Variants in ARFGEF2 observed in about 807,000 individuals in gnomAD.
ARFGEF2 encodes brefeldin A-inhibited guanine nucleotide-exchange protein 2.
ARFGEF2 carries 74 observed loss-of-function variants against 219.9 expected under a neutral mutation model. The ratio of observed to expected loss-of-function variants is 0.34; its 90% confidence interval spans 0.28 to 0.41. The LOEUF is 0.41. Among genes scored for constraint, ARFGEF2 ranks in the 10% least tolerant of loss-of-function variants. The pLI is 1.00. For synonymous variants in ARFGEF2, 733 were observed against 799.2 expected (o/e 0.92, Z 1.40); for missense variants, 1,743 against 2,218.3 (o/e 0.79, Z 4.30).
intron 4 of ARFGEF2, 69 bp from the exon 5 acceptor site, chr20:48,952,636 G>A (rs1463276155): frequency 1.4e-6 from 2 of 1,477,814 alleles, no homozygotes; most frequent in African/African-American, 2.8e-5. Flanking sequence ...CTCTAGAAAA[G>A]TGTGGCCATA....
At chr20:48,931,711 G>A (rs1162857856) in intron 1 of ARFGEF2, among the ~76,000 whole-genome samples, 1 of 152,150 alleles carries the variant, frequency 6.6e-6, no homozygotes, top group Non-Finnish European at 1.5e-5. Flanking sequence ...AATAGCTCAT[G>A]CAAAGGCCCC....
chr20:48,967,518 T>C (rs1326899803), intron 8 of ARFGEF2, among the ~76,000 whole-genome samples: 1 of 152,228 alleles, frequency 6.6e-6, no homozygotes, highest in Non-Finnish European at 1.5e-5. Context: ...TATTCCCAGC[T>C]ACTCAGGAGG....
In ARFGEF2 at chr20:48,971,627, C is replaced by T. The variant is rs543902675; in HGVS notation, c.1425+273C>T. Among the ~76,000 whole-genome samples, 3 of 152,182 alleles carry T rather than the reference C, an allele frequency of 2.0e-5. 1 individual carries two copies. Among genetic ancestry groups the T allele is most frequent in the South Asian group, 2.1e-4 (1 of 4,830 alleles). On this transcript the variant is annotated intron_variant, in intron 10 of 38. Coordinates refer to ENST00000371917, the MANE Select transcript of ARFGEF2 (RefSeq NM_006420.3). ...AAAAAGTTACTGCCCCCAGCCTGGG[C>T]GCCATGGCTCACGCCTGTAATCCCA...
chr20:48,998,267 A>G, intron 24 of ARFGEF2, 34 bp downstream of exon 24: 3 of 1,614,192 alleles, frequency 1.9e-6, no homozygotes, highest in Non-Finnish European at 2.5e-6. Context: ...AAACTGCAGA[A>G]GCCTCACGCT....
chr20:49,015,400 A>C (rs1181303670), intron 30 of ARFGEF2, among the ~76,000 whole-genome samples: 7 of 152,238 alleles, frequency 4.6e-5, no homozygotes, highest in Non-Finnish European at 8.8e-5. Context: ...GGTGTGAGCC[A>C]CCACACCCAG....
intron 25 of ARFGEF2, among the ~76,000 whole-genome samples, chr20:48,999,474 C>T (rs947832411): frequency 1.3e-5 from 2 of 152,056 alleles, no homozygotes; most frequent in Non-Finnish European, 2.9e-5. Flanking sequence ...TGTGGCCGGG[C>T]GTCATGGCTC....
chr20:48,935,873 C>G (rs1293283899), intron 1 of ARFGEF2, among the ~76,000 whole-genome samples: 3 of 130,490 alleles, frequency 2.3e-5, no homozygotes, highest in Admixed American at 7.2e-5. Context: ...CAGAGGAGCT[C>G]CTTACTTCCC....
intron 16 of ARFGEF2, among the ~76,000 whole-genome samples, chr20:48,987,990 G>A (rs1406582886): frequency 2.0e-5 from 3 of 152,174 alleles, no homozygotes; most frequent in Admixed American, 1.3e-4. Context: ...GTTTCACCAT[G>A]TTGGCCAGGC....
chr20:49,028,469 TAC>T, intron 36 of ARFGEF2, 59 bp from the exon 37 acceptor site: 2 of 1,518,782 alleles, frequency 1.3e-6, no homozygotes, highest in South Asian at 1.1e-5. Context: ...TTTCTAGTCA[TAC>T]ACAGTTATCA....
At position 48,975,999 on chromosome 20, in the gene ARFGEF2, C is replaced by CT; in HGVS notation, c.1775-13dup. ...CCACTTGCTTATTTGGCTTCCTTTA[C>CT]TTTTGTTTCTCCGCAGGTCAGGAGA... On this transcript the variant is annotated splice_polypyrimidine_tract_variant and intron_variant, in intron 13 of 38. Coordinates refer to ENST00000371917, the MANE Select transcript of ARFGEF2 (RefSeq NM_006420.3). 1 of 1,611,964 alleles carries CT rather than the reference C, an allele frequency of 6.2e-7. No individual in the cohort carries two copies. Among genetic ancestry groups the CT allele is most frequent in the Non-Finnish European group, 8.5e-7 (1 of 1,179,926 alleles).
intron 3 of ARFGEF2, among the ~76,000 whole-genome samples, chr20:48,950,159 A>G (rs1016429454): frequency 6.6e-6 from 1 of 152,152 alleles, no homozygotes; most frequent in Non-Finnish European, 1.5e-5. Flanking sequence ...GAGGTGGCAC[A>G]GACCAATTTG....
In ARFGEF2 at chr20:48,941,927, C is replaced by A. The variant is rs746211545; in HGVS notation, c.216C>A (p.Phe72Leu). The A allele has an allele frequency of 1.9e-6, 3 of 1,614,214 alleles. No individual in the cohort carries two copies. The highest frequency in any genetic ancestry group is 1.1e-5 in the South Asian group (1 of 91,084). ...FIEADKYFLP[F>L]ELACQSKSPR... ...AAGCTGACAAGTATTTTCTTCCATT[C>A]GAGCTAGCTTGCCAGTCCAAGTCCC... is the stretch of plus-strand genomic sequence containing the variant. The change falls in exon 3 of 39, where the codon TTC becomes TTA. Residue 72 changes from phenylalanine to leucine, a missense_variant. Physicochemically the swap from Phe to Leu is conservative, Grantham distance 22. Around this residue, in one of 5 missense-constraint regions of ARFGEF2, gnomAD observed 394 missense variants for 426.6 expected, o/e 0.92. Coordinates refer to ENST00000371917, the MANE Select transcript of ARFGEF2 (RefSeq NM_006420.3).
rs1267503884 is a variant in ARFGEF2, at chr20:49,010,143, T to G, written c.3585-89T>G. 7 of 1,491,292 alleles carry G rather than the reference T, an allele frequency of 4.7e-6. No homozygotes were observed. The Admixed American group carries it at 1.1e-4, about 23-fold the overall frequency. 92.4% of individuals were successfully genotyped at this position (1,491,292 alleles called of 1,614,324 possible). A position where few individuals can be genotyped will look rare whatever the true frequency, so the allele number is the denominator to read the frequency against. On this transcript the variant is annotated intron_variant, in intron 26 of 38. Coordinates refer to ENST00000371917, the MANE Select transcript of ARFGEF2 (RefSeq NM_006420.3). ...ATTGCTGTGTGCTATAAGAAATGTT[T>G]AAGTGCTGCTTCTAAGGGATGAGCT...
chr20:48,936,127 AC>A (rs1234133583), intron 1 of ARFGEF2, among the ~76,000 whole-genome samples: 7 of 106,910 alleles, frequency 6.5e-5, no homozygotes, highest in African/African-American at 1.6e-4. Flanking sequence ...CGGGGGGCTG[AC>A]CCCCCCACCT....
intron 26 of ARFGEF2, among the ~76,000 whole-genome samples, chr20:49,006,400 T>C (rs1331169107): frequency 6.6e-6 from 1 of 152,240 alleles, no homozygotes. Context: ...TATATATTAC[T>C]CTACTTTTCT....
chr20:48,986,483 A>G (rs1456077468), intron 16 of ARFGEF2, among the ~76,000 whole-genome samples: 1 of 152,004 alleles, frequency 6.6e-6, no homozygotes, highest in Non-Finnish European at 1.5e-5. Flanking sequence ...ACAAAAAAAA[A>G]TTAGCTGGGT....
intron 25 of ARFGEF2, 102 bp from the exon 26 acceptor site, chr20:49,004,968 A>C: frequency 1.6e-6 from 2 of 1,287,102 alleles, no homozygotes; most frequent in Non-Finnish European, 2.3e-6. Flanking sequence ...TTTTCCCTGA[A>C]TGTTTGTTTT....
chr20:49,034,054 T>A lies in ARFGEF2; in HGVS notation c.*855T>A, dbSNP rs886381840. ...TGAAATCTAATATATGAAGTAGTAA[T>A]GAAAATGAAGTAGTAATTTAACCAG... On this transcript the variant is annotated 3_prime_UTR_variant, in exon 39 of 39. Transcript: ENST00000371917. 2 of 152,252 alleles carry A rather than the reference T, an allele frequency of 1.3e-5. No homozygotes were observed. Among genetic ancestry groups the A allele is most frequent in the Non-Finnish European group, 2.9e-5 (2 of 68,042 alleles). The allele number at this position is 152,252 out of a possible 1,614,324, so 9.4% of individuals were successfully genotyped here.
chr20:49,036,461 T>TA lies in ARFGEF2; in HGVS notation c.*3263dup, dbSNP rs2091666609. Reference sequence around the variant, plus strand: ...TTACCTCCTTAAAATGCCTAAAAGTTAGTTAATAGTTACTTTGGTTTAACC... The same window carrying TA: ...TTACCTCCTTAAAATGCCTAAAAGTTAAGTTAATAGTTACTTTGGTTTAACC... On this transcript the variant is annotated 3_prime_UTR_variant, in exon 39 of 39. Transcript: ENST00000371917. 1 of 382,114 alleles carries TA rather than the reference T, an allele frequency of 2.6e-6. No individual in the cohort carries two copies. The highest frequency in any genetic ancestry group is 4.6e-6 in the Non-Finnish European group (1 of 216,526). The allele number at this position is 382,114 out of a possible 1,614,324, so 23.7% of individuals were successfully genotyped here.
Sources: allele counts gnomAD v4.1 joint callset (sites outside exome capture counted in the v4.1 genomes callset), GRCh38; gene constraint gnomAD v4.1.1; regional missense constraint gnomAD v4.1.1; transcripts MANE v1.5; gene names NCBI Gene and HGNC (gene_info 2026-07-23, HGNC 2026-07-21).